The following ZNRF1 variants were observed in gnomAD, a reference collection of about 807,000 sequenced individuals.
The protein encoded by ZNRF1 is zinc and ring finger 1, also known as E3 ubiquitin-protein ligase ZNRF1.
ZNRF1 carries 3 observed loss-of-function variants against 18.4 expected under a neutral mutation model. The observed-to-expected ratio is 0.16, with a 90% CI of 0.07 to 0.42. The LOEUF (loss-of-function observed/expected upper bound fraction) is 0.42, where lower values mean the gene tolerates loss of function less well. Ranked by LOEUF, ZNRF1 falls within the 10% of genes least tolerant of loss-of-function variation. ZNRF1 has a pLI of 0.99. For synonymous variants in ZNRF1, 157 were observed against 144.2 expected, an observed-to-expected ratio of 1.09 and a Z score of -0.64; for missense variants, 310 against 329.8, an observed-to-expected ratio of 0.94 and a Z score of 0.47.
At chr16:75,083,290 T>C (rs892522160) in intron 1 of ZNRF1, among the ~76,000 whole-genome samples, 2 of 152,354 alleles carry the variant, frequency 1.3e-5, no homozygotes. Flanking sequence ...CCATCCTTGG[T>C]TGGACTTTAA....
rs189968580 is a variant in ZNRF1, at chr16:75,026,620, G to A, written c.424+26525G>A. Among the ~76,000 whole-genome samples, 314 of 152,260 alleles carry A rather than the reference G, an allele frequency of 2.1e-3. 1 individual carries two copies. Among genetic ancestry groups the A allele is most frequent in the African/African-American group, 7.1e-3 (294 of 41,562 alleles). ...TTAAAAAAATATATACAACAAAGTA[G>A]ATCGTAACAGTAGTATGTAATAAGA... On this transcript the variant is annotated intron_variant, in intron 1 of 4. Coordinates refer to ENST00000335325, the MANE Select transcript of ZNRF1 (RefSeq NM_032268.5).
intron 1 of ZNRF1, among the ~76,000 whole-genome samples, chr16:75,067,061 T>C (rs1308306555): frequency 2.6e-5 from 4 of 152,304 alleles, no homozygotes; most frequent in Non-Finnish European, 5.9e-5. Context: ...TTCACTCACA[T>C]ACCTGTTGCC....
At chr16:75,079,651 C>G (rs954200466) in intron 1 of ZNRF1, among the ~76,000 whole-genome samples, 7 of 152,326 alleles carry the variant, frequency 4.6e-5, no homozygotes, top group Middle Eastern at 3.4e-3. Flanking sequence ...GGATTGATCA[C>G]TGCACTGCTG....
chr16:75,097,797 C>T (rs1183584552), intron 2 of ZNRF1, among the ~76,000 whole-genome samples: 2 of 152,172 alleles, frequency 1.3e-5, no homozygotes, highest in African/African-American at 2.4e-5. Flanking sequence ...GCCTAGGCAA[C>T]AGAGCTTGAC....
intron 1 of ZNRF1, among the ~76,000 whole-genome samples, chr16:75,021,486 C>A (rs2035147360): frequency 6.6e-6 from 1 of 152,190 alleles, no homozygotes; most frequent in African/African-American, 2.4e-5. Flanking sequence ...AAATTTCCTT[C>A]TTCCAGAGGT....
intron 3 of ZNRF1, chr16:75,105,826 T>C (rs1359497607): frequency 6.6e-6 from 1 of 152,264 alleles, no homozygotes; most frequent in African/African-American, 2.4e-5. Flanking sequence ...CTTGGGGCAA[T>C]CTCTGTTCCC....
chr16:75,073,158 C>CTCTCTCTCTG (rs1555513186), intron 1 of ZNRF1, among the ~76,000 whole-genome samples: 3 of 151,114 alleles, frequency 2.0e-5, no homozygotes, highest in African/African-American at 7.3e-5. Context: ...CTCTCTGTCT[C>CTCTCTCTCTG]TCTGTCTATA....
intron 1 of ZNRF1, among the ~76,000 whole-genome samples, chr16:75,027,966 G>T (rs934166330): frequency 6.6e-6 from 1 of 152,082 alleles, no homozygotes; most frequent in Non-Finnish European, 1.5e-5. Flanking sequence ...ATTTCATTGA[G>T]AAAACAATGG....
intron 1 of ZNRF1, among the ~76,000 whole-genome samples, chr16:75,022,698 C>T (rs1401012161): frequency 6.6e-6 from 1 of 152,214 alleles, no homozygotes; most frequent in Non-Finnish European, 1.5e-5. Flanking sequence ...TCGGTAACCA[C>T]AAATGGTTAG....
intron 1 of ZNRF1, among the ~76,000 whole-genome samples, chr16:75,086,525 T>C (rs907213756): frequency 3.3e-5 from 5 of 152,242 alleles, no homozygotes; most frequent in African/African-American, 1.2e-4. Context: ...TTTTCACTTA[T>C]TTCTGTGTTG....
At position 75,080,913 on chromosome 16, in the gene ZNRF1, C is replaced by G. The variant is rs150337420; in HGVS notation, c.425-12659C>G. On this transcript the variant is annotated intron_variant, in intron 1 of 4. Transcript: ENST00000335325. ...TGAGGGCCGGGTGCAGTGGCTCACA[C>G]CTGTAATCCCAGTACTTTGGGAGGC... is the stretch of plus-strand genomic sequence containing the variant. 8.6e-5 allele frequency among the ~76,000 whole-genome samples: 13 copies of G among 151,930 alleles called. No individual in the cohort carries two copies. The East Asian group carries it at 2.5e-3, about 30-fold the overall frequency.
chr16:75,010,712 T>TTTG (rs2034987224), intron 1 of ZNRF1, among the ~76,000 whole-genome samples: 1 of 43,904 alleles, frequency 2.3e-5, no homozygotes, highest in African/African-American at 6.0e-5. Flanking sequence ...TTTTTTTTTG[T>TTTG]TTTTTTGTTT....
At chr16:75,102,871 C>G (rs553186227) in intron 2 of ZNRF1, among the ~76,000 whole-genome samples, 1 of 152,214 alleles carries the variant, frequency 6.6e-6, no homozygotes, top group East Asian at 1.9e-4. Flanking sequence ...CTGCCCTCAT[C>G]CGCACACGCA....
chr16:75,006,438 T>G (rs1409554249), intron 1 of ZNRF1, among the ~76,000 whole-genome samples: 1 of 152,084 alleles, frequency 6.6e-6, no homozygotes, highest in Non-Finnish European at 1.5e-5. Flanking sequence ...TTTGTTTGTT[T>G]GTTTGTTTGT....
chr16:75,019,417 C>T (rs1000868381), intron 1 of ZNRF1, among the ~76,000 whole-genome samples: 2 of 151,968 alleles, frequency 1.3e-5, no homozygotes. Flanking sequence ...GTAGTATTTT[C>T]AAATTTTTTT....
At chr16:75,102,297 C>T (rs1039759630) in intron 2 of ZNRF1, among the ~76,000 whole-genome samples, 2 of 152,144 alleles carry the variant, frequency 1.3e-5, no homozygotes, top group Non-Finnish European at 2.9e-5. Flanking sequence ...GCCCCACAAC[C>T]CACAAGCCCA....
chr16:75,079,541 C>T (rs1292086875), intron 1 of ZNRF1, among the ~76,000 whole-genome samples: 1 of 152,130 alleles, frequency 6.6e-6, no homozygotes, highest in Non-Finnish European at 1.5e-5. Flanking sequence ...TGTCTAGAGT[C>T]TTTGCATGTC....
intron 1 of ZNRF1, among the ~76,000 whole-genome samples, chr16:75,008,088 A>T (rs2034946441): frequency 6.6e-6 from 1 of 151,894 alleles, no homozygotes; most frequent in African/African-American, 2.4e-5. Context: ...CATGTTGCCC[A>T]GGCTGGTCTT....
At chr16:75,017,937 T>C (rs2035092522) in intron 1 of ZNRF1, among the ~76,000 whole-genome samples, 1 of 152,192 alleles carries the variant, frequency 6.6e-6, no homozygotes, top group South Asian at 2.1e-4. Context: ...GGCACCAGAC[T>C]GTCTTTGGTG....
Sources: gnomAD v4.1 joint callset for allele counts (sites outside exome capture counted in the v4.1 genomes callset) on GRCh38, gnomAD v4.1.1 for gene constraint, MANE v1.5 for transcripts, NCBI Gene and HGNC (gene_info 2026-07-23, HGNC 2026-07-21) for gene names.